USP6NL: variants seen among roughly 807,000 people sequenced by gnomAD.
USP6NL encodes USP6 N-terminal like.
In USP6NL, 26 loss-of-function variants were observed where a neutral mutation model predicts 61.9. That is an observed-to-expected ratio of 0.42 (90% CI 0.31 to 0.58). The LOEUF (loss-of-function observed/expected upper bound fraction) is 0.58. Among genes scored for constraint, USP6NL ranks in the 20% least tolerant of loss-of-function variants. The pLI is 0.16. For synonymous variants in USP6NL, 432 were observed against 390.1 expected (o/e 1.11, Z -1.27); for missense variants, 1,114 against 1,034.3 (o/e 1.08, Z -1.06).
At chr10:11,558,897 T>C (rs1836820026) in intron 2 of USP6NL, among the ~76,000 whole-genome samples, 12 of 152,198 alleles carry the variant, frequency 7.9e-5, no homozygotes, top group Admixed American at 7.9e-4. Context: ...TTAATATTAG[T>C]ACATATTTGG....
chr10:11,550,560 A>ATGTTG (rs1836443233), intron 2 of USP6NL, among the ~76,000 whole-genome samples: 1 of 152,154 alleles, frequency 6.6e-6, no homozygotes. Flanking sequence ...GTTCAAGACC[A>ATGTTG]GCCCAGCCAA....
intron 14 of USP6NL, among the ~76,000 whole-genome samples, chr10:11,472,376 G>A (rs565390816): frequency 2.0e-5 from 3 of 152,144 alleles, no homozygotes; most frequent in South Asian, 2.1e-4. Flanking sequence ...GCCCATCAAC[G>A]GCCTCTGAGG....
At chr10:11,480,270 C>T (rs1833142119) in intron 14 of USP6NL, among the ~76,000 whole-genome samples, 2 of 152,156 alleles carry the variant, frequency 1.3e-5, no homozygotes, top group African/African-American at 4.8e-5. Flanking sequence ...ACAGTAAACA[C>T]CCAATAAATA....
rs1177091458 is a variant in USP6NL at position 11,511,096 on chromosome 10, A to G, written c.196-1421T>C. ...TTCCAAAGAAAATCCTGAATTTAGGAAAAGTTATCTCACCAATGAGAATAT... is the reference window on the plus strand; with the variant it reads ...TTCCAAAGAAAATCCTGAATTTAGGGAAAGTTATCTCACCAATGAGAATAT... On this transcript the variant is annotated intron_variant, in intron 5 of 14. Transcript: ENST00000609104. The surrounding 1 kb of genome is among the most constrained non-coding windows in gnomAD (Gnocchi z 4.9). 1.3e-5 allele frequency among the ~76,000 whole-genome samples: 2 copies of G among 152,264 alleles called. No individual in the cohort carries two copies. The highest frequency in any genetic ancestry group is 4.8e-5 in the African/African-American group (2 of 41,476).
chr10:11,545,278 GT>G (rs147951144), intron 2 of USP6NL, among the ~76,000 whole-genome samples: 2,110 of 152,250 alleles, frequency 0.014, 51 homozygotes, highest in African/African-American at 0.047. Flanking sequence ...AGGATTTGGG[GT>G]AAGGTCCCCT....
At chr10:11,569,362 T>TA (rs1160093292) in intron 2 of USP6NL, among the ~76,000 whole-genome samples, 19 of 152,088 alleles carry the variant, frequency 1.2e-4, no homozygotes, top group Non-Finnish European at 1.3e-4. Context: ...AAAACACAGC[T>TA]AAAAAAACAG....
In USP6NL at chr10:11,481,792, T is replaced by G. The variant is rs1445142487; in HGVS notation, c.1056A>C (p.Ala352=). 2 of 1,612,676 alleles carry G rather than the reference T, an allele frequency of 1.2e-6. No homozygotes were observed. The highest frequency in any genetic ancestry group is 1.1e-5 in the South Asian group (1 of 90,618). The change falls in exon 14 of 15, where the codon GCA becomes GCC. Residue 352 remains alanine (A), a synonymous_variant. Transcript: ENST00000609104. This position sits in a 1 kb window ranked among gnomAD's most constrained non-coding sequence, Gnocchi z 4.4. ...TACCAGGTTCTGGAAGGTCTAACTT[T>G]GCCCGCTTTAGTTCTGTCATAGAAA... ...LQISMTELKR[A]KLDLPEPGKE...
At position 11,582,024 on chromosome 10, in the gene USP6NL, G is replaced by T. The variant is rs531129546; in HGVS notation, c.4+15607C>A. Among the ~76,000 whole-genome samples, 4 of 152,292 alleles carry T rather than the reference G, an allele frequency of 2.6e-5. No homozygotes were observed. The South Asian group carries it at 8.3e-4, about 32-fold the overall frequency. ...TTGTCTCCCAGGCTGGAGTGCTGTG[G>T]CGTGATCTCGGCTCACTGCAACCTC... On this transcript the variant is annotated intron_variant, in intron 2 of 14. Transcript: ENST00000609104.
intron 2 of USP6NL, among the ~76,000 whole-genome samples, chr10:11,576,089 GAA>G (rs761383093): frequency 4.6e-5 from 6 of 130,442 alleles, no homozygotes; most frequent in South Asian, 2.4e-4. Flanking sequence ...AACACTTCAG[GAA>G]AAAAAAAAAA....
intron 4 of USP6NL, among the ~76,000 whole-genome samples, chr10:11,523,807 G>A (rs1230048244): frequency 1.3e-5 from 2 of 152,176 alleles, no homozygotes; most frequent in Non-Finnish European, 2.9e-5. Flanking sequence ...CTGGTACAGT[G>A]GTTCATTCCC....
intron 1 of USP6NL, among the ~76,000 whole-genome samples, chr10:11,607,531 C>T (rs138158980): frequency 3.9e-5 from 6 of 152,102 alleles, no homozygotes; most frequent in East Asian, 1.9e-4. Flanking sequence ...CAAAAAAATA[C>T]GGAAATTAGC....
chr10:11,568,680 A>C (rs867544431), intron 2 of USP6NL, among the ~76,000 whole-genome samples: 1 of 152,336 alleles, frequency 6.6e-6, no homozygotes, highest in African/African-American at 2.4e-5. Context: ...GGGTTGGTAC[A>C]AATGTTCCTT....
At chr10:11,544,422 T>C (rs1262993456) in intron 2 of USP6NL, among the ~76,000 whole-genome samples, 1 of 152,224 alleles carries the variant, frequency 6.6e-6, no homozygotes, top group African/African-American at 2.4e-5. Flanking sequence ...AGCACTGTCT[T>C]GAAGTCATTC....
chr10:11,551,524 T>C (rs950242242), intron 2 of USP6NL, among the ~76,000 whole-genome samples: 1 of 152,222 alleles, frequency 6.6e-6, no homozygotes, highest in Non-Finnish European at 1.5e-5. Flanking sequence ...ACTAACTGAA[T>C]GAACAAGAAT....
intron 2 of USP6NL, among the ~76,000 whole-genome samples, chr10:11,583,906 G>C (rs980142796): frequency 3.3e-5 from 5 of 152,140 alleles, no homozygotes; most frequent in African/African-American, 1.2e-4. Flanking sequence ...GAGGGTGCCT[G>C]TGGTCCCGGC....
Position 11,597,719 on chromosome 10 carries a change from T to G in USP6NL, c.-83-2A>C. The G allele has an allele frequency of 1.9e-6, 2 of 1,051,150 alleles. No homozygotes were observed. The highest frequency in any genetic ancestry group is 2.9e-6 in the Non-Finnish European group (2 of 697,036). The allele number at this position is 1,051,150 out of a possible 1,614,324, so 65.1% of individuals were successfully genotyped here. On this transcript the variant is annotated splice_acceptor_variant, in intron 1 of 14. Coordinates refer to ENST00000609104, the MANE Select transcript of USP6NL (RefSeq NM_014688.5). LOFTEE classifies it low-confidence loss of function (5UTR_SPLICE). This position sits in a 1 kb window ranked among gnomAD's most constrained non-coding sequence, Gnocchi z 4.6. ...AGGTTTCTCAGAGGAATACATGTCCTAGTCAGGAAACAAAGAGAAAGAAAT... is the reference window on the plus strand; with the variant it reads ...AGGTTTCTCAGAGGAATACATGTCCGAGTCAGGAAACAAAGAGAAAGAAAT...
intron 1 of USP6NL, among the ~76,000 whole-genome samples, chr10:11,604,961 C>T (rs978276398): frequency 3.9e-5 from 6 of 152,246 alleles, no homozygotes; most frequent in African/African-American, 1.4e-4. Context: ...ATAAGGAGGA[C>T]TACTGTATGT....
intron 2 of USP6NL, among the ~76,000 whole-genome samples, chr10:11,578,163 T>C (rs1336511155): frequency 2.6e-5 from 4 of 151,924 alleles, no homozygotes; most frequent in Non-Finnish European, 5.9e-5. Context: ...GAGACAGGGT[T>C]TCACTATGTT....
In USP6NL at chr10:11,592,571, T is replaced by C. The variant is rs1362786606; in HGVS notation, c.4+5060A>G. Among the ~76,000 whole-genome samples the C allele has an allele frequency of 1.3e-5, 2 of 152,256 alleles. No homozygotes were observed. Among genetic ancestry groups the C allele is most frequent in the East Asian group, 1.9e-4 (1 of 5,206 alleles). On this transcript the variant is annotated intron_variant, in intron 2 of 14. Transcript: ENST00000609104. This position sits in a 1 kb window ranked among gnomAD's most constrained non-coding sequence, Gnocchi z 4.7. ...TAATATAACAAAAGGATACCTGTTA[T>C]ACTTTGTAAGGGGATTTAAGATTCC...
Sources: allele counts gnomAD v4.1 joint callset (sites outside exome capture counted in the v4.1 genomes callset), GRCh38; gene constraint gnomAD v4.1.1; non-coding constraint Gnocchi (gnomAD v3.1); transcripts MANE v1.5; gene names NCBI Gene and HGNC (gene_info 2026-07-23, HGNC 2026-07-21).